The following PIK3C3 variants were observed in gnomAD, a reference collection of about 807,000 sequenced individuals.
PIK3C3 encodes the protein phosphatidylinositol 3-kinase catalytic subunit type 3.
A neutral mutation model predicts 126.1 loss-of-function variants in PIK3C3; 95 were observed. The observed-to-expected ratio is 0.75, with a 90% confidence interval of 0.64 to 0.89. PIK3C3 has a LOEUF of 0.89. Ranked by LOEUF, PIK3C3 falls within the 40% of genes least tolerant of loss-of-function variation. The pLI is 0.00. For synonymous variants in PIK3C3, 374 were observed against 360.0 expected, an observed-to-expected ratio of 1.04 and a Z score of -0.44; for missense variants, 829 against 1,063.2, an observed-to-expected ratio of 0.78 and a Z score of 3.06.
chr18:42,074,886 C>T (rs183707087), intron 24 of PIK3C3, among the ~76,000 whole-genome samples: 6 of 152,050 alleles, frequency 3.9e-5, no homozygotes, highest in Non-Finnish European at 7.4e-5. Flanking sequence ...ATGGGATGCT[C>T]TCTAGTTTTA....
chr18:41,974,363 T>G (rs1325658607), intron 4 of PIK3C3, among the ~76,000 whole-genome samples: 1 of 152,214 alleles, frequency 6.6e-6, no homozygotes, highest in African/African-American at 2.4e-5. Flanking sequence ...CAGGATGAAT[T>G]TAGCGGAATT....
rs750632830 is a variant in PIK3C3, at chr18:41,957,578, T to G, written c.77T>G (p.Leu26Trp). The change falls in exon 2 of 25, where the codon TTG (leucine) becomes TGG (tryptophan). Residue 26 changes from leucine to tryptophan, a missense_variant. Physicochemically the swap from Leu to Trp is moderately conservative, Grantham distance 61 (BLOSUM62 -2). Transcript: ENST00000262039. The part of the protein sequence containing the change: ...DINVQLKIGS[L>W]EGKREQKSYK... ...TGGTCTTGTGCTTTCAGAGGAAGCT[T>G]GGAAGGGAAGAGAGAACAAAAGAGT... 6.2e-7 allele frequency: 1 copy of G among 1,606,100 alleles called. No individual in the cohort carries two copies. Among genetic ancestry groups the G allele is most frequent in the Admixed American group, 1.8e-5 (1 of 56,958 alleles).
intron 9 of PIK3C3, among the ~76,000 whole-genome samples, chr18:41,997,246 ATGAGAAATATAATT>A (rs923543198): frequency 1.3e-5 from 2 of 152,128 alleles, no homozygotes; most frequent in African/African-American, 4.8e-5. Context: ...GAGAGAGAGT[ATGAGAAATATAATT>A]TGAGATGTGG....
At chr18:41,994,889 A>C (rs1390376318) in intron 7 of PIK3C3, among the ~76,000 whole-genome samples, 1 of 151,906 alleles carries the variant, frequency 6.6e-6, no homozygotes. Context: ...AAATAAAATA[A>C]ATTAGCCAGG....
intron 4 of PIK3C3, among the ~76,000 whole-genome samples, chr18:41,981,642 G>A (rs1056113825): frequency 2.0e-5 from 3 of 151,950 alleles, no homozygotes; most frequent in Non-Finnish European, 2.9e-5. Context: ...TTATACAACT[G>A]CATTTTGTCT....
intron 9 of PIK3C3, among the ~76,000 whole-genome samples, chr18:41,999,652 A>G (rs1466840948): frequency 2.0e-5 from 3 of 152,270 alleles, no homozygotes; most frequent in African/African-American, 7.2e-5. Context: ...GTTTTGGGGT[A>G]AGGATATTTA....
At chr18:41,967,243 C>A (rs1035722094) in intron 3 of PIK3C3, among the ~76,000 whole-genome samples, 2 of 151,924 alleles carry the variant, frequency 1.3e-5, no homozygotes, top group Admixed American at 1.3e-4. Context: ...CAGCTACTTC[C>A]TTGCATGGTG....
At chr18:42,038,887 G>T (rs1984180634) in intron 18 of PIK3C3, 37 bp downstream of exon 18, 1 of 1,283,500 alleles carries the variant, frequency 7.8e-7, no homozygotes. Context: ...TTACTTTAGT[G>T]TACATTGTGT....
At chr18:42,043,682 A>AGTTT in intron 19 of PIK3C3, 51 bp from the exon 20 acceptor site, 1 of 1,174,210 alleles carries the variant, frequency 8.5e-7, no homozygotes, top group African/African-American at 1.5e-5. Flanking sequence ...CAAAACACCT[A>AGTTT]GTTTGTTTGT....
rs151058344 is a variant in PIK3C3 at position 42,059,456 on chromosome 18, A to G, written c.2432+1405A>G. 6.9e-4 allele frequency among the ~76,000 whole-genome samples: 105 copies of G among 152,308 alleles called. No homozygotes were observed. The East Asian group carries it at 0.019, about 27-fold the overall frequency. On this transcript the variant is annotated intron_variant, in intron 22 of 24. Coordinates refer to ENST00000262039, the MANE Select transcript of PIK3C3 (RefSeq NM_002647.4). ...CATAGAAAACTAGGTCGAACCATGGATATCTCAGGGAGGTGGCGGACAAGA... is the reference window on the plus strand; with the variant it reads ...CATAGAAAACTAGGTCGAACCATGGGTATCTCAGGGAGGTGGCGGACAAGA...
intron 21 of PIK3C3, chr18:42,052,940 A>G (rs1220413890): frequency 6.6e-6 from 1 of 152,142 alleles, no homozygotes; most frequent in East Asian, 1.9e-4. Flanking sequence ...TCTGCAAAAT[A>G]CAATACCTTT....
At chr18:41,960,192 A>G (rs751209841) in intron 2 of PIK3C3, among the ~76,000 whole-genome samples, 5 of 152,188 alleles carry the variant, frequency 3.3e-5, no homozygotes, top group Non-Finnish European at 7.3e-5. Flanking sequence ...ATCATGTCCT[A>G]TTCTGTCCTA....
intron 10 of PIK3C3, among the ~76,000 whole-genome samples, chr18:42,008,501 T>A (rs2144392375): frequency 6.6e-6 from 1 of 152,098 alleles, no homozygotes; most frequent in Admixed American, 6.5e-5. Context: ...CTATGGAGAG[T>A]TATTCTTAAT....
intron 24 of PIK3C3, chr18:42,070,616 C>T (rs1031805382): frequency 3.9e-5 from 6 of 152,050 alleles, no homozygotes; most frequent in African/African-American, 1.4e-4. Context: ...GTCTCTGGGC[C>T]TCAGTTTTCA....
intron 13 of PIK3C3, chr18:42,026,558 C>G (rs1225239811): frequency 6.6e-6 from 1 of 152,112 alleles, no homozygotes; most frequent in African/African-American, 2.4e-5. Context: ...TGGGCTCAAG[C>G]TATCTTCCCA....
rs1421614558 is a variant in PIK3C3, at chr18:42,040,537, A to G, written c.2039-140A>G. On this transcript the variant is annotated intron_variant, in intron 18 of 24. Transcript: ENST00000262039. The stretch of plus-strand genomic sequence containing the variant: ...TGACATAAATGCCAGTACAAACTTA[A>G]TGTAGTGTACACTGATCTTTTTAAG... The G allele has an allele frequency of 5.1e-5, 26 of 512,032 alleles. 1 individual carries two copies. In the East Asian group the frequency reaches 8.5e-4, roughly 17 times the overall value. 31.7% of individuals were successfully genotyped at this position (512,032 alleles called of 1,614,324 possible).
chr18:41,978,042 G>C (rs1247848235), intron 4 of PIK3C3, among the ~76,000 whole-genome samples: 1 of 152,150 alleles, frequency 6.6e-6, no homozygotes, highest in Non-Finnish European at 1.5e-5. Flanking sequence ...GCTCACTGCA[G>C]CCTCAGTCTC....
At position 42,082,191 on chromosome 18, in the gene PIK3C3, A is replaced by G. The variant is rs924063359; in HGVS notation, c.*1054A>G. 20 of 152,240 alleles carry G rather than the reference A, an allele frequency of 1.3e-4. No individual in the cohort carries two copies. The highest frequency in any genetic ancestry group is 4.8e-4 in the African/African-American group (20 of 41,470). 9.4% of individuals were successfully genotyped at this position (152,240 alleles called of 1,614,324 possible). ...TTGCAACTTAATATGTTACATAGTCATATGACTTGGTCTTGGAAGAAAAAG... is the reference window on the plus strand; with the variant it reads ...TTGCAACTTAATATGTTACATAGTCGTATGACTTGGTCTTGGAAGAAAAAG... On this transcript the variant is annotated 3_prime_UTR_variant, in exon 25 of 25. Transcript: ENST00000262039.
intron 19 of PIK3C3, among the ~76,000 whole-genome samples, chr18:42,043,092 A>C (rs1272265691): frequency 1.3e-5 from 2 of 151,808 alleles, no homozygotes; most frequent in Non-Finnish European, 2.9e-5. Flanking sequence ...GTGAAAACAT[A>C]GGATAAACTT....
Sources: allele counts gnomAD v4.1 joint callset (sites outside exome capture counted in the v4.1 genomes callset), GRCh38; gene constraint gnomAD v4.1.1; transcripts MANE v1.5; gene names NCBI Gene and HGNC (gene_info 2026-07-23, HGNC 2026-07-21).